The following IFIH1 variants were observed in gnomAD, a reference collection of about 807,000 sequenced individuals.
IFIH1 encodes interferon induced with helicase C domain 1.
IFIH1 carries 125 observed loss-of-function variants against 107.4 expected under a neutral mutation model. That is an observed-to-expected ratio of 1.16 (90% CI 1.01 to 1.35). The LOEUF is 1.35. Among genes scored for constraint, IFIH1 ranks in the 40% most tolerant of loss-of-function variants. The probability of loss-of-function intolerance (pLI) is 0.00; values close to 1 mark genes in which losing one functional copy is unlikely to be tolerated. For synonymous variants in IFIH1, 458 were observed against 413.2 expected, an observed-to-expected ratio of 1.11 and a Z score of -1.31; for missense variants, 1,333 against 1,213.7, an observed-to-expected ratio of 1.10 and a Z score of -1.46.
At chr2:162,311,743 T>C (rs1157957727) in intron 1 of IFIH1, among the ~76,000 whole-genome samples, 2 of 152,138 alleles carry the variant, frequency 1.3e-5, no homozygotes, top group Non-Finnish European at 1.5e-5. Flanking sequence ...TGTTTAGACA[T>C]GAAAGAAGTT....
At chr2:162,310,739 A>C in intron 2 of IFIH1, 26 bp downstream of exon 2, 2 of 1,596,396 alleles carry the variant, frequency 1.3e-6, no homozygotes, top group South Asian at 2.2e-5. Flanking sequence ...AATTTGAAGA[A>C]TCTTCCTCAG....
chr2:162,268,311 G>A (rs1302037047), intron 13 of IFIH1, 34 bp from the exon 14 acceptor site: 2 of 1,443,926 alleles, frequency 1.4e-6, no homozygotes, highest in Non-Finnish European at 1.9e-6. Context: ...GTGGTTTCAG[G>A]TTTGTTTTCT....
chr2:162,305,030 A>G (rs943077376), intron 3 of IFIH1, among the ~76,000 whole-genome samples: 3 of 152,240 alleles, frequency 2.0e-5, no homozygotes, highest in Non-Finnish European at 2.9e-5. Flanking sequence ...CAATTGGTCA[A>G]TTAATCATAC....
intron 3 of IFIH1, among the ~76,000 whole-genome samples, chr2:162,301,503 T>C (rs1683193319): frequency 6.6e-6 from 1 of 152,228 alleles, no homozygotes; most frequent in South Asian, 2.1e-4. Context: ...CCAAATGCAA[T>C]AAAGTTGACT....
At chr2:162,286,309 C>G (rs1682892635) in intron 5 of IFIH1, among the ~76,000 whole-genome samples, 2 of 151,920 alleles carry the variant, frequency 1.3e-5, no homozygotes, top group Admixed American at 1.3e-4. Context: ...GGAAGGAACT[C>G]TAACCGGTGA....
At position 162,307,687 on chromosome 2, in the gene IFIH1, T is replaced by A. The variant is rs1056530009; in HGVS notation, c.623-832A>T. Among the ~76,000 whole-genome samples the A allele has an allele frequency of 2.0e-5, 3 of 152,174 alleles. No individual in the cohort carries two copies. In the East Asian group the frequency reaches 5.8e-4, roughly 29 times the overall value. The stretch of plus-strand genomic sequence containing the variant: ...TTTTCTAACGTATCATTTTTTATTA[T>A]CTCATCTTAAAGAACCCAGTGAAAA... On this transcript the variant is annotated intron_variant, in intron 2 of 15. Transcript: ENST00000649979.
At chr2:162,298,980 T>C (rs555764976) in intron 3 of IFIH1, among the ~76,000 whole-genome samples, 140 of 152,334 alleles carry the variant, frequency 9.2e-4, no homozygotes, top group South Asian at 1.9e-3. Flanking sequence ...CAGGCCCACA[T>C]GGCTATCCAT....
intron 3 of IFIH1, among the ~76,000 whole-genome samples, chr2:162,306,280 A>T (rs1288137987): frequency 1.3e-5 from 2 of 152,164 alleles, no homozygotes; most frequent in African/African-American, 4.8e-5. Flanking sequence ...TATAGCTTTG[A>T]TTTTAATTTT....
Position 162,267,176 on chromosome 2 carries a change from T to G in IFIH1, c.*24A>C. The G allele has an allele frequency of 1.3e-6, 2 of 1,494,270 alleles. No individual in the cohort carries two copies. Among genetic ancestry groups the G allele is most frequent in the Non-Finnish European group, 1.8e-6 (2 of 1,102,784 alleles). 92.6% of individuals were successfully genotyped at this position (1,494,270 alleles called of 1,614,324 possible). ...ATATTAAATGTTTAACTGATAGTAT[T>G]TTAAAAGAATCTTCAATCAAGTGCT... On this transcript the variant is annotated 3_prime_UTR_variant, in exon 16 of 16. Coordinates refer to ENST00000649979, the MANE Select transcript of IFIH1 (RefSeq NM_022168.4).
At position 162,311,012 on chromosome 2, in the gene IFIH1, A is replaced by AACTGAGC. The variant is rs556450496; in HGVS notation, c.454-86_454-80dup. The AACTGAGC allele has an allele frequency of 1.6e-4, 170 of 1,088,228 alleles. 2 individuals carry two copies. In the South Asian group the frequency reaches 2.5e-3, roughly 16 times the overall value. The allele number at this position is 1,088,228 out of a possible 1,614,324, so 67.4% of individuals were successfully genotyped here. On this transcript the variant is annotated intron_variant, in intron 1 of 15. Transcript: ENST00000649979. ...TTAAACAGGAAATACCCTTTAGAAAAACTGAGCAATTAAGCATAAGTATAA... is the reference window on the plus strand; with the variant it reads ...TTAAACAGGAAATACCCTTTAGAAAAACTGAGCACTGAGCAATTAAGCATAAGTATAA...
At chr2:162,275,464 T>C (rs1691133499) in intron 11 of IFIH1, among the ~76,000 whole-genome samples, 1 of 152,130 alleles carries the variant, frequency 6.6e-6, no homozygotes. Flanking sequence ...GAAAAACATA[T>C]AAAGCAAACT....
intron 3 of IFIH1, among the ~76,000 whole-genome samples, chr2:162,299,683 A>C (rs975364979): frequency 6.6e-6 from 1 of 152,132 alleles, no homozygotes; most frequent in Non-Finnish European, 1.5e-5. Flanking sequence ...ACACACATGC[A>C]TTGTGCTGGC....
rs1406652378 is a variant in IFIH1 at position 162,281,562 on chromosome 2, A to G, written c.1307-17T>C. On this transcript the variant is annotated splice_polypyrimidine_tract_variant and intron_variant, in intron 6 of 15. Coordinates refer to ENST00000649979, the MANE Select transcript of IFIH1 (RefSeq NM_022168.4). ...GGGAAAAGTCTTAAAAGAAAATTCA[A>G]AGAGTTCATTTCTCCATATCAGCAC... The G allele has an allele frequency of 6.4e-7, 1 of 1,564,298 alleles. No individual in the cohort carries two copies. Among genetic ancestry groups the G allele is most frequent in the South Asian group, 1.1e-5 (1 of 88,652 alleles).
rs2287291 is a variant in IFIH1 at position 162,279,446 on chromosome 2, C to T, written c.1641+550G>A. On this transcript the variant is annotated intron_variant, in intron 8 of 15. Transcript: ENST00000649979. ...GACATAATTTACTGGCCATAATGTC[C>T]AAATTGACTCTCAGTTTATTCTTAT... Among the ~76,000 whole-genome samples, 983 of 152,042 alleles carry T rather than the reference C, an allele frequency of 6.5e-3. 24 individuals are homozygous for T. The East Asian group carries it at 0.082, about 13-fold the overall frequency.
chr2:162,290,001 C>T (rs1372100497), intron 4 of IFIH1, among the ~76,000 whole-genome samples: 1 of 151,900 alleles, frequency 6.6e-6, no homozygotes, highest in Non-Finnish European at 1.5e-5. Flanking sequence ...TGATATTTCA[C>T]CTCTATTAGG....
chr2:162,292,173 C>A (rs902233612), intron 4 of IFIH1, among the ~76,000 whole-genome samples: 30 of 151,680 alleles, frequency 2.0e-4, no homozygotes, highest in Admixed American at 9.2e-4. Context: ...GCATGATCTC[C>A]AAAAACTTAA....
At chr2:162,273,205 C>A (rs1691079917) in intron 12 of IFIH1, among the ~76,000 whole-genome samples, 1 of 152,160 alleles carries the variant, frequency 6.6e-6, no homozygotes, top group South Asian at 2.1e-4. Context: ...GCCTACTCAA[C>A]AGGTTACAAT....
At chr2:162,288,574 G>T (rs377142618) in intron 4 of IFIH1, among the ~76,000 whole-genome samples, 2 of 151,950 alleles carry the variant, frequency 1.3e-5, no homozygotes, top group Non-Finnish European at 2.9e-5. Flanking sequence ...GGGTGTGGGG[G>T]TGCAGAGGGA....
chr2:162,311,674 G>A (rs1467694690), intron 1 of IFIH1, among the ~76,000 whole-genome samples: 2 of 151,896 alleles, frequency 1.3e-5, no homozygotes, highest in Non-Finnish European at 2.9e-5. Context: ...TTGTCACAGT[G>A]CATTTCCCTA....
Sources: gnomAD v4.1 joint callset for allele counts (sites outside exome capture counted in the v4.1 genomes callset) on GRCh38, gnomAD v4.1.1 for gene constraint, MANE v1.5 for transcripts, NCBI Gene and HGNC (gene_info 2026-07-23, HGNC 2026-07-21) for gene names.